Variants in PLCB1 observed in about 807,000 individuals in gnomAD.
PLCB1 encodes the protein phospholipase C beta 1.
Under a neutral mutation model 161.8 loss-of-function variants are expected in PLCB1, and 46 were observed. The observed-to-expected ratio is 0.28, with a 90% CI of 0.22 to 0.36. The LOEUF is 0.36. PLCB1 is among the 10% of genes least tolerant of loss of function. The pLI, the probability that PLCB1 is intolerant of heterozygous loss-of-function variation, is 1.00. For missense variants in PLCB1, 1,016 were observed against 1,472.5 expected, an observed-to-expected ratio of 0.69 and a Z score of 5.07; for synonymous variants, 517 against 503.7, an observed-to-expected ratio of 1.03 and a Z score of -0.35.
intron 4 of PLCB1, among the ~76,000 whole-genome samples, chr20:8,629,875 T>TTCTTTCTTTCTTTCTG (rs1272803067): frequency 2.9e-4 from 24 of 83,516 alleles, no homozygotes; most frequent in Non-Finnish European, 5.2e-4. Context: ...CTTTCTTTCT[T>TTCTTTCTTTCTTTCTG]TCTCTCTCTC....
chr20:8,822,754 G>A (rs938491159), intron 31 of PLCB1, among the ~76,000 whole-genome samples: 1 of 152,180 alleles, frequency 6.6e-6, no homozygotes, highest in Non-Finnish European at 1.5e-5. Flanking sequence ...AGACCCCTCT[G>A]AGTTCCAAGA....
chr20:8,668,726 A>C (rs570654855), intron 9 of PLCB1, among the ~76,000 whole-genome samples: 54 of 152,200 alleles, frequency 3.5e-4, no homozygotes, highest in Non-Finnish European at 1.5e-5. Flanking sequence ...TCCAGCCTGC[A>C]CCACATAAAG....
chr20:8,873,811 T>C (rs536768943), intron 31 of PLCB1, among the ~76,000 whole-genome samples: 2 of 152,184 alleles, frequency 1.3e-5, no homozygotes, highest in Admixed American at 1.3e-4. Flanking sequence ...ATGATTTTTT[T>C]ACAGAAACAC....
chr20:8,157,398 T>C (rs1049415668), intron 2 of PLCB1, among the ~76,000 whole-genome samples: 17 of 152,244 alleles, frequency 1.1e-4, no homozygotes, highest in African/African-American at 4.1e-4. Flanking sequence ...AGGCCACTCC[T>C]CTTCCTCCCT....
In PLCB1 at chr20:8,288,607, TA is replaced by T. The variant is rs200589307; in HGVS notation, c.178-82772del. ...CCTACCTCTCCCAGAGGTGCATGCA[TA>T]AACTTCCAGGCATCTTCGGCCAGGG... is the stretch of plus-strand genomic sequence containing the variant. On this transcript the variant is annotated intron_variant, in intron 2 of 31. Coordinates refer to ENST00000338037, the MANE Select transcript of PLCB1 (RefSeq NM_015192.4). Among the ~76,000 whole-genome samples the T allele has an allele frequency of 2.7e-4, 41 of 152,276 alleles. No individual in the cohort carries two copies. The East Asian group carries it at 5.0e-3, about 19-fold the overall frequency.
chr20:8,568,661 A>AT lies in PLCB1; in HGVS notation c.247-59622dup, dbSNP rs11326941. ...AGAAAAGTGAACTGCTTTATTTTGAATTTTTTTTTTTCTTTACACAGAGTA... is the reference window on the plus strand; with the variant it reads ...AGAAAAGTGAACTGCTTTATTTTGAATTTTTTTTTTTTCTTTACACAGAGTA... On this transcript the variant is annotated intron_variant, in intron 3 of 31. Transcript: ENST00000338037. 4.0e-3 allele frequency among the ~76,000 whole-genome samples: 606 copies of AT among 149,836 alleles called. 1 individual carries two copies. The highest frequency in any genetic ancestry group is 0.013 in the African/African-American group (545 of 41,142).
Position 8,757,287 on chromosome 20 carries a change from A to T in PLCB1, c.2656+109A>T, listed in dbSNP as rs1021888163. 14 of 1,178,344 alleles carry T rather than the reference A, an allele frequency of 1.2e-5. No homozygotes were observed. In the African/African-American group the frequency reaches 2.1e-4, roughly 18 times the overall value. 73.0% of individuals were successfully genotyped at this position (1,178,344 alleles called of 1,614,324 possible). A position where few individuals can be genotyped will look rare whatever the true frequency, so the allele number is the denominator to read the frequency against. On this transcript the variant is annotated intron_variant, in intron 24 of 31. Transcript: ENST00000338037. ...TAGCTAAAGCATCAAGTGGGGAAAG[A>T]TGTGTGGACTTAGGAGGAGCTCCGT...
intron 3 of PLCB1, among the ~76,000 whole-genome samples, chr20:8,575,199 G>C (rs1490676270): frequency 6.6e-6 from 1 of 152,198 alleles, no homozygotes; most frequent in East Asian, 1.9e-4. Flanking sequence ...TGATGAACAT[G>C]AGTAAAATGT....
rs568428481 is a variant in PLCB1, at chr20:8,454,692, C to G, written c.246+83242C>G. ...TCTGCAGACACCAGTGTGGCTCACT[C>G]TCTCCCGTCTTGCATGTCTTTCCTA... On this transcript the variant is annotated intron_variant, in intron 3 of 31. Transcript: ENST00000338037. Among the ~76,000 whole-genome samples the G allele has an allele frequency of 3.9e-4, 59 of 152,298 alleles. 1 individual carries two copies. The highest frequency in any genetic ancestry group is 1.4e-3 in the African/African-American group (58 of 41,558).
At chr20:8,856,497 T>C (rs1987071597) in intron 31 of PLCB1, among the ~76,000 whole-genome samples, 1 of 152,036 alleles carries the variant, frequency 6.6e-6, no homozygotes, top group South Asian at 2.1e-4. Flanking sequence ...ACGCCTGTAG[T>C]TCCCAGCTAC....
At chr20:8,515,793 A>T (rs1037162251) in intron 3 of PLCB1, among the ~76,000 whole-genome samples, 1 of 152,210 alleles carries the variant, frequency 6.6e-6, no homozygotes, top group Non-Finnish European at 1.5e-5. Flanking sequence ...GACAGCTGGG[A>T]GTGCTTATCT....
At chr20:8,702,192 G>A (rs1008205601) in intron 11 of PLCB1, among the ~76,000 whole-genome samples, 2 of 152,150 alleles carry the variant, frequency 1.3e-5, no homozygotes, top group Non-Finnish European at 2.9e-5. Context: ...TTGTTTTGTA[G>A]TCTGGCTTTA....
At chr20:8,675,950 A>T (rs902995978) in intron 9 of PLCB1, among the ~76,000 whole-genome samples, 15 of 152,224 alleles carry the variant, frequency 9.9e-5, no homozygotes, top group African/African-American at 3.6e-4. Context: ...AAGGCATAAA[A>T]CAAAGAGGAG....
rs77277279 is a variant in PLCB1, at chr20:8,641,118, A to C, written c.385-4984A>C. The stretch of plus-strand genomic sequence containing the variant: ...ACCAAAGCATAATAAGTATGTCTAC[A>C]TAGCCAACATAGATGCCCAAACCCT... On this transcript the variant is annotated intron_variant, in intron 4 of 31. Coordinates refer to ENST00000338037, the MANE Select transcript of PLCB1 (RefSeq NM_015192.4). Among the ~76,000 whole-genome samples, 518 of 152,326 alleles carry C rather than the reference A, an allele frequency of 3.4e-3. 2 individuals are homozygous for C. The highest frequency in any genetic ancestry group is 0.012 in the African/African-American group (503 of 41,576).
At chr20:8,639,299 C>T (rs755508698) in intron 4 of PLCB1, among the ~76,000 whole-genome samples, 6 of 152,270 alleles carry the variant, frequency 3.9e-5, no homozygotes, top group South Asian at 2.1e-4. Flanking sequence ...GTTGTGCCAG[C>T]GGGTTGTCTG....
chr20:8,367,762 G>A (rs970825401), intron 2 of PLCB1, among the ~76,000 whole-genome samples: 2 of 152,128 alleles, frequency 1.3e-5, no homozygotes, highest in African/African-American at 2.4e-5. Flanking sequence ...CTATTGTCAC[G>A]AGAAAATTAA....
chr20:8,177,866 G>A (rs928168902), intron 2 of PLCB1, among the ~76,000 whole-genome samples: 17 of 151,852 alleles, frequency 1.1e-4, no homozygotes, highest in African/African-American at 4.1e-4. Flanking sequence ...GGTAGGTCCC[G>A]GTGTCTATTA....
intron 3 of PLCB1, among the ~76,000 whole-genome samples, chr20:8,470,852 T>C (rs1435871401): frequency 2.6e-5 from 4 of 152,204 alleles, no homozygotes; most frequent in Non-Finnish European, 5.9e-5. Context: ...TTTTTTGTGC[T>C]CTTCTTTGTT....
chr20:8,475,328 G>A (rs921504797), intron 3 of PLCB1, among the ~76,000 whole-genome samples: 1 of 152,132 alleles, frequency 6.6e-6, no homozygotes, highest in Non-Finnish European at 1.5e-5. Flanking sequence ...GTGCATGCCT[G>A]TAATCCCAGC....
Sources: gnomAD v4.1 joint callset for allele counts (sites outside exome capture counted in the v4.1 genomes callset) on GRCh38, gnomAD v4.1.1 for gene constraint, MANE v1.5 for transcripts, NCBI Gene and HGNC (gene_info 2026-07-23, HGNC 2026-07-21) for gene names.